PLD1: variants seen among roughly 807,000 people sequenced by gnomAD.
The protein encoded by PLD1 is choline phosphatase 1.
Under a neutral mutation model 137.1 loss-of-function variants are expected in PLD1, and 112 were observed. The observed-to-expected ratio is 0.82, with a 90% CI of 0.70 to 0.96. PLD1 has a LOEUF of 0.96. Among genes scored for constraint, PLD1 ranks in the 40% least tolerant of loss-of-function variants. The probability of loss-of-function intolerance (pLI) is 0.00; values close to 1 mark genes in which losing one functional copy is unlikely to be tolerated. For synonymous variants in PLD1, 431 were observed against 454.7 expected (o/e 0.95, Z 0.66); for missense variants, 1,321 against 1,342.0 (o/e 0.98, Z 0.24).
At chr3:171,626,227 C>A (rs1390031824) in intron 23 of PLD1, among the ~76,000 whole-genome samples, 1 of 151,974 alleles carries the variant, frequency 6.6e-6, no homozygotes, top group African/African-American at 2.4e-5. Flanking sequence ...AGAGCCGATG[C>A]GATCAACTGG....
chr3:171,781,341 T>G (rs1401867504), intron 1 of PLD1, among the ~76,000 whole-genome samples: 3 of 151,554 alleles, frequency 2.0e-5, no homozygotes. Flanking sequence ...TAGACATAAA[T>G]GTAAAAACTA....
intron 1 of PLD1, among the ~76,000 whole-genome samples, chr3:171,780,446 T>C (rs376609100): frequency 7.9e-5 from 12 of 152,174 alleles, no homozygotes; most frequent in East Asian, 7.7e-4. Context: ...ACAGACTGAC[T>C]GAGGGTGAAT....
intron 1 of PLD1, among the ~76,000 whole-genome samples, chr3:171,768,824 C>A (rs1170712395): frequency 1.3e-5 from 2 of 152,212 alleles, no homozygotes; most frequent in Admixed American, 1.3e-4. Context: ...GTCACTTTGA[C>A]TATCAACAAG....
intron 11 of PLD1, among the ~76,000 whole-genome samples, chr3:171,705,327 A>G (rs1374057561): frequency 1.3e-5 from 2 of 152,218 alleles, no homozygotes; most frequent in African/African-American, 4.8e-5. Flanking sequence ...AAACAGGATA[A>G]ACCCAAACAT....
intron 16 of PLD1, among the ~76,000 whole-genome samples, chr3:171,682,290 T>C (rs1314341042): frequency 6.6e-6 from 1 of 152,212 alleles, no homozygotes; most frequent in South Asian, 2.1e-4. Flanking sequence ...CTGAGTGATT[T>C]TGAAAAACAT....
At position 171,612,555 on chromosome 3, in the gene PLD1, A is replaced by G. The variant is rs750847961; in HGVS notation, c.2729-123T>C. The G allele has an allele frequency of 5.4e-6, 5 of 928,918 alleles. No homozygotes were observed. The highest frequency in any genetic ancestry group is 3.2e-5 in the African/African-American group (2 of 61,680). The allele number at this position is 928,918 out of a possible 1,614,324, so 57.5% of individuals were successfully genotyped here. On this transcript the variant is annotated intron_variant, in intron 24 of 26. Transcript: ENST00000351298. This position sits in a 1 kb window ranked among gnomAD's most constrained non-coding sequence, Gnocchi z 4.1. ...ATTTTGTCCAGGTTTTCAAGGGAAG[A>G]TGTGTTTTTAGGGAGGTGGGGCCCT...
chr3:171,772,996 T>G (rs1172766731), intron 1 of PLD1, among the ~76,000 whole-genome samples: 1 of 152,138 alleles, frequency 6.6e-6, no homozygotes, highest in Admixed American at 6.5e-5. Context: ...ACCAACACAA[T>G]CTTTGAAATG....
At chr3:171,618,036 T>C (rs1469451648) in intron 24 of PLD1, among the ~76,000 whole-genome samples, 2 of 151,304 alleles carry the variant, frequency 1.3e-5, no homozygotes, top group Non-Finnish European at 3.0e-5. Context: ...TATTCTTGAG[T>C]TTCCACCGAG....
At position 171,658,195 on chromosome 3, in the gene PLD1, A is replaced by G. The variant is rs554871318; in HGVS notation, c.2429+1018T>C. On this transcript the variant is annotated intron_variant, in intron 21 of 26. Coordinates refer to ENST00000351298, the MANE Select transcript of PLD1 (RefSeq NM_002662.5). ...TAATAAGTATTGGCAAATACAGAGA[A>G]ACTGGACCTCTCATATACTATGGGA... Among the ~76,000 whole-genome samples the G allele has an allele frequency of 3.3e-5, 5 of 152,126 alleles. No individual in the cohort carries two copies. The South Asian group carries it at 1.0e-3, about 31-fold the overall frequency.
Position 171,687,581 on chromosome 3 carries a change from C to T in PLD1, c.1543G>A (p.Ala515Thr), listed in dbSNP as rs1714706978. 6.2e-7 allele frequency: 1 copy of T among 1,607,984 alleles called. No homozygotes were observed. The highest frequency in any genetic ancestry group is 2.2e-5 in the East Asian group (1 of 44,874). Residue 515 changes from alanine to threonine, a missense_variant, in exon 15 of 27, where the codon GCC becomes ACC. Transcript: ENST00000351298. The part of the protein sequence containing the change: ...SGPSLGSLPP[A>T]AMESMESLRL... ...AAGGATTCCATAGACTCCATTGCGGCAGGCTGAGAAAAATTTTTTTTTAAA... is the reference window on the plus strand; with the variant it reads ...AAGGATTCCATAGACTCCATTGCGGTAGGCTGAGAAAAATTTTTTTTTAAA...
chr3:171,655,714 A>C (rs762297424), intron 21 of PLD1, among the ~76,000 whole-genome samples: 8 of 152,336 alleles, frequency 5.3e-5, no homozygotes, highest in Admixed American at 2.0e-4. Flanking sequence ...TTTGAAATTA[A>C]GTGAAAATAT....
intron 1 of PLD1, among the ~76,000 whole-genome samples, chr3:171,755,172 C>T (rs192291335): frequency 5.3e-5 from 8 of 152,242 alleles, no homozygotes; most frequent in Admixed American, 5.2e-4. Context: ...CACTCAACTA[C>T]ATAGACTGGT....
At chr3:171,743,646 A>T (rs913180624) in intron 1 of PLD1, among the ~76,000 whole-genome samples, 1 of 152,200 alleles carries the variant, frequency 6.6e-6, no homozygotes. Flanking sequence ...GAAATCTATG[A>T]ACCCACAACC....
intron 3 of PLD1, among the ~76,000 whole-genome samples, chr3:171,736,304 C>T (rs1719355285): frequency 6.6e-6 from 1 of 152,048 alleles, no homozygotes; most frequent in South Asian, 2.1e-4. Context: ...CACTGTTATA[C>T]CCTTTATTCA....
intron 1 of PLD1, among the ~76,000 whole-genome samples, chr3:171,775,113 T>A (rs574673208): frequency 4.4e-4 from 67 of 152,272 alleles, no homozygotes; most frequent in African/African-American, 1.5e-3. Context: ...TGATAAAAAA[T>A]TTTATTTTTA....
chr3:171,610,113 T>C (rs1250276450), intron 25 of PLD1, among the ~76,000 whole-genome samples: 1 of 152,112 alleles, frequency 6.6e-6, no homozygotes, highest in East Asian at 1.9e-4. Flanking sequence ...CCCTCTAAAA[T>C]ATTGCCAGTG....
intron 12 of PLD1, among the ~76,000 whole-genome samples, chr3:171,696,375 G>A (rs1715692518): frequency 6.6e-6 from 1 of 152,086 alleles, no homozygotes; most frequent in Non-Finnish European, 1.5e-5. Context: ...CAGATCAGAA[G>A]GCCAAAGAAA....
At chr3:171,721,830 A>G (rs1178198204) in intron 8 of PLD1, among the ~76,000 whole-genome samples, 1 of 151,214 alleles carries the variant, frequency 6.6e-6, no homozygotes, top group Non-Finnish European at 1.5e-5. Context: ...AAAAATTTTC[A>G]GTTTTCTTTA....
chr3:171,726,504 G>A (rs966120233), intron 6 of PLD1, among the ~76,000 whole-genome samples: 1 of 152,200 alleles, frequency 6.6e-6, no homozygotes, highest in South Asian at 2.1e-4. Flanking sequence ...CCCACAGTGT[G>A]AAATGGGAGA....
Sources: gnomAD v4.1 joint callset for allele counts (sites outside exome capture counted in the v4.1 genomes callset) on GRCh38, gnomAD v4.1.1 for gene constraint, Gnocchi (gnomAD v3.1) non-coding constraint, MANE v1.5 for transcripts, NCBI Gene and HGNC (gene_info 2026-07-23, HGNC 2026-07-21) for gene names.